The following SNX24 variants were observed in gnomAD, a reference collection of about 807,000 sequenced individuals.
SNX24 encodes the protein sorting nexin 24, also known as sorting nexin-24.
SNX24 carries 22 observed loss-of-function variants against 28.7 expected under a neutral mutation model. The observed-to-expected ratio is 0.77, with a 90% CI of 0.55 to 1.10. The LOEUF (loss-of-function observed/expected upper bound fraction) is 1.10, where lower values mean the gene tolerates loss of function less well. SNX24 is among the 50% of genes least tolerant of loss of function. The probability of loss-of-function intolerance (pLI) is 0.00; values close to 1 mark genes in which losing one functional copy is unlikely to be tolerated. For synonymous variants in SNX24, 69 were observed against 71.5 expected, an observed-to-expected ratio of 0.96 and a Z score of 0.18; for missense variants, 221 against 201.1, an observed-to-expected ratio of 1.10 and a Z score of -0.60.
At chr5:122,889,729 A>ATATATATGTATATATATATGTATGTG (rs779196032) in intron 1 of SNX24, among the ~76,000 whole-genome samples, 2 of 14,630 alleles carry the variant, frequency 1.4e-4, no homozygotes, top group African/African-American at 8.3e-4. Flanking sequence ...ATGTATGTGT[A>ATATATATGTATATATATATGTATGTG]TATATATATA....
In SNX24 at chr5:122,969,597, C is replaced by G. The variant is rs568842179; in HGVS notation, c.249+23438C>G. 9.8e-4 allele frequency among the ~76,000 whole-genome samples: 149 copies of G among 152,218 alleles called. 1 individual carries two copies. Among genetic ancestry groups the G allele is most frequent in the Non-Finnish European group, 8.7e-4 (59 of 68,016 alleles). ...GAGTGCCTTTCATGTAACTGATACA[C>G]AAATAAATTGACATTTCTTTTTTTA... On this transcript the variant is annotated intron_variant, in intron 3 of 6. Coordinates refer to ENST00000261369, the MANE Select transcript of SNX24 (RefSeq NM_014035.4).
chr5:122,974,899 C>CA (rs1761106684), intron 3 of SNX24, among the ~76,000 whole-genome samples: 1 of 152,216 alleles, frequency 6.6e-6, no homozygotes, highest in Non-Finnish European at 1.5e-5. Context: ...GTGCTGCCAG[C>CA]TGCTAATCAT....
At chr5:122,855,881 T>C (rs1470612424) in intron 1 of SNX24, among the ~76,000 whole-genome samples, 2 of 152,174 alleles carry the variant, frequency 1.3e-5, no homozygotes, top group African/African-American at 2.4e-5. Flanking sequence ...TAGTGAGGCC[T>C]AAGGAGAGGG....
intron 3 of SNX24, among the ~76,000 whole-genome samples, chr5:122,959,655 A>C (rs1007660484): frequency 6.6e-6 from 1 of 151,982 alleles, no homozygotes; most frequent in African/African-American, 2.4e-5. Context: ...GAGATTTCTT[A>C]AGGCATTGTT....
intron 2 of SNX24, among the ~76,000 whole-genome samples, chr5:122,938,077 TAGGACTCCATGACCCTAGCAC>T (rs1192297319): frequency 4.6e-5 from 7 of 152,096 alleles, no homozygotes; most frequent in Admixed American, 6.5e-5. Flanking sequence ...AGTCAACACC[TAGGACTCCATGACCCTAGCAC>T]AGCCCAGCTG....
At position 122,963,526 on chromosome 5, in the gene SNX24, T is replaced by C. The variant is rs539399661; in HGVS notation, c.249+17367T>C. On this transcript the variant is annotated intron_variant, in intron 3 of 6. Transcript: ENST00000261369. ...TCCCTGAGTTGGCATTATATTTCTGTGAATATTAGTCCTTTTAAGGTGGCT... is the reference window on the plus strand; with the variant it reads ...TCCCTGAGTTGGCATTATATTTCTGCGAATATTAGTCCTTTTAAGGTGGCT... Among the ~76,000 whole-genome samples the C allele has an allele frequency of 5.9e-5, 9 of 152,348 alleles. No individual in the cohort carries two copies. The East Asian group carries it at 1.7e-3, about 29-fold the overall frequency.
At chr5:122,974,671 T>C (rs1420422835) in intron 3 of SNX24, among the ~76,000 whole-genome samples, 1 of 152,226 alleles carries the variant, frequency 6.6e-6, no homozygotes, top group Non-Finnish European at 1.5e-5. Context: ...AATCCATCTG[T>C]CTTCTGCACA....
chr5:123,015,232 G>C (rs35838296), intron 5 of SNX24, among the ~76,000 whole-genome samples: 4,077 of 152,298 alleles, frequency 0.027, 70 homozygotes, highest in Non-Finnish European at 0.037. Context: ...GGCAGCCTAT[G>C]TTCTGGCCCC....
chr5:122,897,593 T>C (rs1032904615), intron 1 of SNX24, among the ~76,000 whole-genome samples: 4 of 152,182 alleles, frequency 2.6e-5, no homozygotes, highest in African/African-American at 7.2e-5. Flanking sequence ...CAAATACTTA[T>C]TTGTGACAAT....
intron 1 of SNX24, among the ~76,000 whole-genome samples, chr5:122,910,475 A>G (rs246288): frequency 0.18 from 26,828 of 151,770 alleles, 2,857 homozygotes; most frequent in East Asian, 0.48. Flanking sequence ...TTGTTTTTTA[A>G]TTATTATTAT....
At chr5:122,890,889 C>A in intron 1 of SNX24, 1 of 879,424 alleles carries the variant, frequency 1.1e-6, no homozygotes, top group Non-Finnish European at 1.5e-6. Context: ...CTTTTTTGTA[C>A]CTTTTCAGAA....
At position 122,920,097 on chromosome 5, in the gene SNX24, G is replaced by A. The variant is rs568691425; in HGVS notation, c.61-16637G>A. ...AATTCAGGTAGATTGTCATGTACAGGCTTGATTGCCTTCTTTTTCAGGTCA... is the reference window on the plus strand; with the variant it reads ...AATTCAGGTAGATTGTCATGTACAGACTTGATTGCCTTCTTTTTCAGGTCA... On this transcript the variant is annotated intron_variant, in intron 1 of 6. Transcript: ENST00000261369. 6.6e-5 allele frequency among the ~76,000 whole-genome samples: 10 copies of A among 152,288 alleles called. No individual in the cohort carries two copies. The East Asian group carries it at 1.9e-3, about 29-fold the overall frequency.
At chr5:122,964,552 A>G (rs1201441369) in intron 3 of SNX24, among the ~76,000 whole-genome samples, 1 of 152,130 alleles carries the variant, frequency 6.6e-6, no homozygotes, top group Non-Finnish European at 1.5e-5. Flanking sequence ...AATGCTTTGT[A>G]AATTCCTCTT....
chr5:122,872,900 A>G (rs905511193), intron 1 of SNX24, among the ~76,000 whole-genome samples: 1 of 151,330 alleles, frequency 6.6e-6, no homozygotes, highest in Admixed American at 6.6e-5. Flanking sequence ...TTTGACTCCT[A>G]TCAGTGTTCG....
chr5:123,010,565 G>T (rs1466876065), downstream of SNX24, among the ~76,000 whole-genome samples: 1 of 152,130 alleles, frequency 6.6e-6, no homozygotes, highest in African/African-American at 2.4e-5. Context: ...GGGATTACAG[G>T]CATGAGCCAC....
chr5:122,936,162 GTATCATGCAGGGAA>G (rs1339337242), intron 1 of SNX24, among the ~76,000 whole-genome samples: 5 of 152,158 alleles, frequency 3.3e-5, no homozygotes, highest in African/African-American at 1.2e-4. Context: ...GCTGTCACTT[GTATCATGCAGGGAA>G]AATGAGCCTT....
At chr5:122,934,427 T>C (rs1216731649) in intron 1 of SNX24, among the ~76,000 whole-genome samples, 2 of 152,154 alleles carry the variant, frequency 1.3e-5, no homozygotes, top group African/African-American at 4.8e-5. Flanking sequence ...TGGCACGATC[T>C]TGGCTCACTG....
chr5:122,966,234 G>C (rs1179952655), intron 3 of SNX24, among the ~76,000 whole-genome samples: 1 of 152,198 alleles, frequency 6.6e-6, no homozygotes, highest in African/African-American at 2.4e-5. Flanking sequence ...GCAAACACAA[G>C]AATGTCTAGA....
At chr5:122,903,132 C>T (rs181755155) in intron 1 of SNX24, among the ~76,000 whole-genome samples, 11 of 151,720 alleles carry the variant, frequency 7.3e-5, no homozygotes, top group East Asian at 3.9e-4. Flanking sequence ...TTTGATACAG[C>T]GTCTTAGTCT....
Sources: allele counts gnomAD v4.1 joint callset (sites outside exome capture counted in the v4.1 genomes callset), GRCh38; gene constraint gnomAD v4.1.1; transcripts MANE v1.5; gene names NCBI Gene and HGNC (gene_info 2026-07-23, HGNC 2026-07-21).